The following PICALM variants were observed in gnomAD, a reference collection of about 807,000 sequenced individuals.
PICALM encodes the protein phosphatidylinositol binding clathrin assembly protein.
In PICALM, 40 loss-of-function variants were observed where a neutral mutation model predicts 80.5. That is an observed-to-expected ratio of 0.50 (90% CI 0.39 to 0.65). The LOEUF (loss-of-function observed/expected upper bound fraction) is 0.65. Ranked by LOEUF, PICALM falls within the 30% of genes least tolerant of loss-of-function variation. The pLI is 0.00. For missense variants in PICALM, 676 were observed against 778.9 expected (o/e 0.87, Z 1.57); for synonymous variants, 288 against 260.3 (o/e 1.11, Z -1.02).
chr11:85,990,759 T>C (rs1213221768), intron 12 of PICALM, among the ~76,000 whole-genome samples: 1 of 152,220 alleles, frequency 6.6e-6, no homozygotes, highest in African/African-American at 2.4e-5. Flanking sequence ...CTGTGTTTAC[T>C]TGAATAATTG....
intron 19 of PICALM, among the ~76,000 whole-genome samples, chr11:85,968,428 A>T (rs2093981960): frequency 6.6e-6 from 1 of 152,196 alleles, no homozygotes; most frequent in African/African-American, 2.4e-5. Flanking sequence ...GATCAGTGGG[A>T]ATTTTTCATA....
At chr11:85,974,558 C>T (rs1174346230) in intron 19 of PICALM, 150 bp downstream of exon 19, 14 of 723,336 alleles carry the variant, frequency 1.9e-5, no homozygotes, top group Non-Finnish European at 3.6e-5. Flanking sequence ...TCCTAAAGCT[C>T]TTATATAAGA....
intron 1 of PICALM, among the ~76,000 whole-genome samples, chr11:86,044,758 G>C (rs963909390): frequency 3.9e-5 from 6 of 152,190 alleles, no homozygotes; most frequent in Non-Finnish European, 8.8e-5. Flanking sequence ...CAGATCAGCA[G>C]GGGCATTAGA....
chr11:86,000,771 G>T lies in PICALM; in HGVS notation c.1026C>A (p.Arg342=), dbSNP rs1227609737. ...QARLKALKEQ[R]LKELAKKPHT... is the part of the protein sequence containing the mutation. ...GAGGTTTCTTTGCAAGTTCTTTTAG[G>T]CGCTGTTCCTGTTAAGAAAGGGAAC... is the stretch of plus-strand genomic sequence containing the variant. Residue 342 remains arginine, a synonymous_variant, in exon 11 of 20, where the codon CGC becomes CGA. Coordinates refer to ENST00000393346, the MANE Select transcript of PICALM (RefSeq NM_007166.4). 6.2e-7 allele frequency: 1 copy of T among 1,612,660 alleles called. No homozygotes were observed. Among genetic ancestry groups the T allele is most frequent in the African/African-American group, 1.3e-5 (1 of 74,980 alleles).
rs577392608 is a variant in PICALM, at chr11:85,974,648, A to G, written c.1944+60T>C. The stretch of plus-strand genomic sequence containing the variant: ...TTCTCAAGTTGTACAAAAGGGTTTT[A>G]TAGTATCATATTCCTTCCAAATCAA... On this transcript the variant is annotated intron_variant, in intron 19 of 19. Coordinates refer to ENST00000393346, the MANE Select transcript of PICALM (RefSeq NM_007166.4). 14 of 1,087,514 alleles carry G rather than the reference A, an allele frequency of 1.3e-5. No homozygotes were observed. In the African/African-American group the frequency reaches 1.9e-4, roughly 14 times the overall value. 67.4% of individuals were successfully genotyped at this position (1,087,514 alleles called of 1,614,324 possible).
intron 12 of PICALM, among the ~76,000 whole-genome samples, chr11:85,991,852 G>C (rs2135930796): frequency 6.6e-6 from 1 of 152,204 alleles, no homozygotes; most frequent in South Asian, 2.1e-4. Flanking sequence ...GGGCACGGTG[G>C]GTTTTTTTGT....
At chr11:85,987,791 T>C (rs1275769460) in intron 13 of PICALM, among the ~76,000 whole-genome samples, 1 of 152,250 alleles carries the variant, frequency 6.6e-6, no homozygotes, top group African/African-American at 2.4e-5. Context: ...TTTTTAGTAG[T>C]AGTCATTTTG....
intron 1 of PICALM, among the ~76,000 whole-genome samples, chr11:86,057,693 C>A (rs887820521): frequency 3.3e-5 from 5 of 152,124 alleles, no homozygotes; most frequent in African/African-American, 1.2e-4. Flanking sequence ...TGCATCTCTA[C>A]TGAACATGCG....
chr11:86,024,007 C>G (rs181654828), intron 3 of PICALM, among the ~76,000 whole-genome samples: 69 of 152,172 alleles, frequency 4.5e-4, no homozygotes, highest in Non-Finnish European at 2.8e-4. Flanking sequence ...TGGTGCACAT[C>G]TGTAATCCCA....
intron 3 of PICALM, among the ~76,000 whole-genome samples, chr11:86,024,109 C>T (rs972712193): frequency 6.6e-6 from 1 of 152,016 alleles, no homozygotes; most frequent in Non-Finnish European, 1.5e-5. Flanking sequence ...GCCTAGGTGA[C>T]AGAGCAAGCC....
intron 12 of PICALM, among the ~76,000 whole-genome samples, chr11:85,995,259 G>A (rs1054101265): frequency 2.6e-5 from 4 of 152,068 alleles, no homozygotes; most frequent in Admixed American, 2.0e-4. Flanking sequence ...GACTTAATAT[G>A]GGGGAAATTT....
chr11:86,056,693 A>G (rs186903461), intron 1 of PICALM, among the ~76,000 whole-genome samples: 2 of 152,310 alleles, frequency 1.3e-5, no homozygotes, highest in Admixed American at 1.3e-4. Context: ...GAGAACTGAA[A>G]ATATGTTCAC....
chr11:86,002,909 G>A (rs548697733), intron 9 of PICALM, among the ~76,000 whole-genome samples: 10 of 152,224 alleles, frequency 6.6e-5, no homozygotes, highest in African/African-American at 2.2e-4. Flanking sequence ...CCCTTGGGAG[G>A]CTGAGGTGGG....
At chr11:86,068,528 C>A (rs1157025449) in intron 1 of PICALM, 123 bp downstream of exon 1, 2 of 885,958 alleles carry the variant, frequency 2.3e-6, no homozygotes, top group East Asian at 5.4e-5. Context: ...CAGGACCGGC[C>A]GTGCCAGAGA....
chr11:86,047,312 T>C (rs151063210), intron 1 of PICALM, among the ~76,000 whole-genome samples: 1 of 152,252 alleles, frequency 6.6e-6, no homozygotes, highest in Admixed American at 6.5e-5. Flanking sequence ...TTGTCTGGTT[T>C]AGTATAATCC....
At position 85,957,546 on chromosome 11, in the gene PICALM, A is replaced by T. The variant is rs896106734; in HGVS notation, c.*1500T>A. On this transcript the variant is annotated 3_prime_UTR_variant, in exon 20 of 20. Coordinates refer to ENST00000393346, the MANE Select transcript of PICALM (RefSeq NM_007166.4). Reference sequence around the variant, plus strand: ...GAGACATCTTTTTGAAAATTCATATAAAACAAACCTTCCATGTTATTAGAT... The same window carrying T: ...GAGACATCTTTTTGAAAATTCATATTAAACAAACCTTCCATGTTATTAGAT... The T allele has an allele frequency of 5.4e-6, 1 of 185,500 alleles. No individual in the cohort carries two copies. The highest frequency in any genetic ancestry group is 1.1e-5 in the Non-Finnish European group (1 of 87,668). The allele number at this position is 185,500 out of a possible 1,614,324, so 11.5% of individuals were successfully genotyped here. A position where few individuals can be genotyped will look rare whatever the true frequency, so the allele number is the denominator to read the frequency against.
At chr11:86,039,983 G>A (rs1365044805) in intron 1 of PICALM, among the ~76,000 whole-genome samples, 3 of 127,518 alleles carry the variant, frequency 2.4e-5, no homozygotes, top group South Asian at 2.4e-4. Flanking sequence ...CAGCCTGGGC[G>A]ACAGAGCATG....
intron 1 of PICALM, among the ~76,000 whole-genome samples, chr11:86,045,246 G>C (rs1051033598): frequency 3.3e-5 from 5 of 151,832 alleles, no homozygotes; most frequent in Admixed American, 2.6e-4. Context: ...GTTTCTACAA[G>C]AAGGAAAAAT....
intron 19 of PICALM, among the ~76,000 whole-genome samples, chr11:85,970,091 T>TCA (rs1341967248): frequency 6.6e-6 from 1 of 152,218 alleles, no homozygotes; most frequent in Non-Finnish European, 1.5e-5. Context: ...CTATTACATG[T>TCA]CAGGCACTGT....
Sources: gnomAD v4.1 joint callset for allele counts (sites outside exome capture counted in the v4.1 genomes callset) on GRCh38, gnomAD v4.1.1 for gene constraint, MANE v1.5 for transcripts, NCBI Gene and HGNC (gene_info 2026-07-23, HGNC 2026-07-21) for gene names.